Variants in VEPH1 observed in about 807,000 individuals in gnomAD.
VEPH1 encodes ventricular zone expressed PH domain containing 1, also known as ventricular zone-expressed PH domain-containing protein homolog 1.
In VEPH1, 80 loss-of-function variants were observed where a neutral mutation model predicts 85.2. The ratio of observed to expected loss-of-function variants is 0.94; its 90% CI spans 0.78 to 1.13. The LOEUF is 1.13. Among genes scored for constraint, VEPH1 ranks in the 50% most tolerant of loss-of-function variants. VEPH1 has a pLI of 0.00. For missense variants in VEPH1, 955 were observed against 980.5 expected, an observed-to-expected ratio of 0.97 and a Z score of 0.35; for synonymous variants, 297 against 348.0, an observed-to-expected ratio of 0.85 and a Z score of 1.63.
At chr3:157,317,612 G>T (rs1406221398) in intron 9 of VEPH1, among the ~76,000 whole-genome samples, 3 of 152,190 alleles carry the variant, frequency 2.0e-5, no homozygotes, top group African/African-American at 7.2e-5. Context: ...TGTTCTCTTG[G>T]TTGTGCAGGG....
chr3:157,477,163 C>G (rs1427025221), intron 2 of VEPH1, among the ~76,000 whole-genome samples: 1 of 150,920 alleles, frequency 6.6e-6, no homozygotes, highest in Non-Finnish European at 1.5e-5. Flanking sequence ...GTCAGCAGGG[C>G]TGGTGCCCTC....
intron 6 of VEPH1, among the ~76,000 whole-genome samples, chr3:157,388,642 C>T (rs1729547484): frequency 6.6e-6 from 1 of 152,082 alleles, no homozygotes; most frequent in South Asian, 2.1e-4. Context: ...ACAGTTGGCC[C>T]TCCATATTGG....
At chr3:157,391,001 G>A (rs1729804858) in intron 6 of VEPH1, among the ~76,000 whole-genome samples, 1 of 152,366 alleles carries the variant, frequency 6.6e-6, no homozygotes, top group Admixed American at 6.5e-5. Flanking sequence ...CCACAGCCTT[G>A]CATGGAGCTT....
At chr3:157,346,780 T>TA (rs542561109) in intron 9 of VEPH1, among the ~76,000 whole-genome samples, 1 of 152,004 alleles carries the variant, frequency 6.6e-6, no homozygotes, top group African/African-American at 2.4e-5. Context: ...CTGGATTTTT[T>TA]AAAAATTTAT....
intron 9 of VEPH1, among the ~76,000 whole-genome samples, chr3:157,353,473 C>T (rs925326795): frequency 6.6e-6 from 1 of 151,958 alleles, no homozygotes; most frequent in Non-Finnish European, 1.5e-5. Context: ...TGCCATTTTG[C>T]GCAGGCTCTT....
rs1577651980 is a variant in VEPH1 at position 157,436,863 on chromosome 3, T to C, written c.530-8375A>G. 5.1e-5 allele frequency: 78 copies of C among 1,533,956 alleles called. No individual in the cohort carries two copies. The East Asian group carries it at 1.8e-3, about 35-fold the overall frequency. ...CTCCAGCCTCTCACTCTCACTCTCC[T>C]CCGCTCAAACTCAGCTCACTTGAGA... is the stretch of plus-strand genomic sequence containing the variant. On this transcript the variant is annotated intron_variant, in intron 4 of 13. Transcript: ENST00000362010.
rs187616855 is a variant in VEPH1, at chr3:157,448,997, C to T, written c.529+11184G>A. ...TTTCAGCTTTCACTACCTCCTCATACTCTCTTGCCACCACCATGTAAGAAG... is the reference window on the plus strand; with the variant it reads ...TTTCAGCTTTCACTACCTCCTCATATTCTCTTGCCACCACCATGTAAGAAG... On this transcript the variant is annotated intron_variant, in intron 4 of 13. Transcript: ENST00000362010. 1.3e-3 allele frequency among the ~76,000 whole-genome samples: 195 copies of T among 152,276 alleles called. 1 individual carries two copies. Among genetic ancestry groups the T allele is most frequent in the African/African-American group, 4.4e-3 (181 of 41,556 alleles).
chr3:157,305,176 C>T (rs1189106808), intron 11 of VEPH1, among the ~76,000 whole-genome samples: 1 of 130,768 alleles, frequency 7.6e-6, no homozygotes, highest in Non-Finnish European at 1.5e-5. Flanking sequence ...GTGGCGGGAT[C>T]TCGGCTCACT....
chr3:157,347,441 T>C (rs1219788360), intron 9 of VEPH1, among the ~76,000 whole-genome samples: 1 of 152,252 alleles, frequency 6.6e-6, no homozygotes, highest in Non-Finnish European at 1.5e-5. Flanking sequence ...CAGCGCCTGC[T>C]ACATGAAACA....
At chr3:157,412,049 C>T (rs941873712) in intron 6 of VEPH1, among the ~76,000 whole-genome samples, 1 of 152,120 alleles carries the variant, frequency 6.6e-6, no homozygotes, top group Non-Finnish European at 1.5e-5. Flanking sequence ...TAGCACCTCA[C>T]CCCTCTCTCT....
intron 6 of VEPH1, among the ~76,000 whole-genome samples, chr3:157,390,328 A>G (rs1157552072): frequency 2.0e-5 from 3 of 152,220 alleles, no homozygotes; most frequent in Admixed American, 1.3e-4. Context: ...TCCCAATCTC[A>G]TAGAATGAGA....
chr3:157,287,069 A>T (rs1041715757), intron 11 of VEPH1, among the ~76,000 whole-genome samples: 2 of 152,164 alleles, frequency 1.3e-5, no homozygotes, highest in African/African-American at 4.8e-5. Context: ...AGAACCAATT[A>T]TCCATATCAA....
chr3:157,283,871 T>G (rs1377493286), intron 12 of VEPH1, among the ~76,000 whole-genome samples: 1 of 152,206 alleles, frequency 6.6e-6, no homozygotes, highest in African/African-American at 2.4e-5. Context: ...ATTTGGCCTT[T>G]TGTTCTAGAC....
chr3:157,339,109 A>G (rs1723254159), intron 9 of VEPH1, among the ~76,000 whole-genome samples: 1 of 152,182 alleles, frequency 6.6e-6, no homozygotes, highest in African/African-American at 2.4e-5. Context: ...CTGAGTAGGT[A>G]TCCCATGAGG....
intron 9 of VEPH1, 65 bp from the exon 10 acceptor site, chr3:157,317,266 C>T (rs992696348): frequency 2.8e-6 from 4 of 1,404,002 alleles, no homozygotes; most frequent in Admixed American, 2.5e-5. Flanking sequence ...TATATTGATA[C>T]TTCAACACAC....
Position 157,333,789 on chromosome 3 carries a change from G to A in VEPH1, c.1736-16588C>T, listed in dbSNP as rs13325250. On this transcript the variant is annotated intron_variant, in intron 9 of 13. Coordinates refer to ENST00000362010, the MANE Select transcript of VEPH1 (RefSeq NM_001167912.2). ...AAATGCATAACAGTAACCAGATATA[G>A]GGCACAGAAAATTTTAGGAAATTCT... Among the ~76,000 whole-genome samples the A allele has an allele frequency of 5.1e-3, 782 of 152,248 alleles. 10 individuals carry two copies. The highest frequency in any genetic ancestry group is 0.018 in the African/African-American group (745 of 41,540).
intron 11 of VEPH1, among the ~76,000 whole-genome samples, chr3:157,309,089 G>A (rs9872817): frequency 0.057 from 8,632 of 151,064 alleles, 281 homozygotes; most frequent in South Asian, 0.1. Context: ...TGTTGTTGTT[G>A]TTATTATTAT....
chr3:157,344,642 C>T (rs1454491456), intron 9 of VEPH1, among the ~76,000 whole-genome samples: 1 of 152,200 alleles, frequency 6.6e-6, no homozygotes, highest in Non-Finnish European at 1.5e-5. Context: ...ATCAAGCTAC[C>T]AATGACTTTC....
intron 12 of VEPH1, among the ~76,000 whole-genome samples, chr3:157,276,860 G>A (rs767024279): frequency 2.6e-5 from 4 of 151,478 alleles, no homozygotes; most frequent in Admixed American, 6.6e-5. Context: ...GAGACCAATA[G>A]GAAAAGATCA....
Sources: gnomAD v4.1 joint callset for allele counts (sites outside exome capture counted in the v4.1 genomes callset) on GRCh38, gnomAD v4.1.1 for gene constraint, MANE v1.5 for transcripts, NCBI Gene and HGNC (gene_info 2026-07-23, HGNC 2026-07-21) for gene names.